Variants in KCNH7 observed in about 807,000 individuals in gnomAD.
KCNH7 encodes the protein voltage-gated inwardly rectifying potassium channel KCNH7.
Under a neutral mutation model 120.8 loss-of-function variants are expected in KCNH7, and 49 were observed. That is an observed-to-expected ratio of 0.41 (90% CI 0.32 to 0.51). The LOEUF (loss-of-function observed/expected upper bound fraction) is 0.51. KCNH7 is among the 20% of genes least tolerant of loss of function. The pLI, the probability that KCNH7 is intolerant of heterozygous loss-of-function variation, is 0.38. For synonymous variants in KCNH7, 547 were observed against 516.1 expected, an observed-to-expected ratio of 1.06 and a Z score of -0.81; for missense variants, 1,097 against 1,446.6, an observed-to-expected ratio of 0.76 and a Z score of 3.92.
chr2:162,757,230 T>TA (rs1688816166), intron 2 of KCNH7, among the ~76,000 whole-genome samples: 1 of 152,138 alleles, frequency 6.6e-6, no homozygotes, highest in Non-Finnish European at 1.5e-5. Context: ...TGGTGCCAGC[T>TA]AAAATTAAAA....
intron 2 of KCNH7, among the ~76,000 whole-genome samples, chr2:162,736,084 T>C (rs1339371183): frequency 2.0e-5 from 3 of 149,850 alleles, no homozygotes; most frequent in African/African-American, 5.1e-5. Context: ...AGTGAATGCT[T>C]TTCCTGTTAA....
chr2:162,564,132 ATTT>A (rs1198620205), intron 2 of KCNH7, among the ~76,000 whole-genome samples: 1 of 152,040 alleles, frequency 6.6e-6, no homozygotes, highest in Non-Finnish European at 1.5e-5. Flanking sequence ...ACATATAATT[ATTT>A]TTTTAAGTCA....
intron 6 of KCNH7, among the ~76,000 whole-genome samples, chr2:162,489,701 T>A (rs1484307020): frequency 6.6e-6 from 1 of 152,242 alleles, no homozygotes; most frequent in East Asian, 1.9e-4. Context: ...TAATGACAAT[T>A]CTTATAGCTT....
chr2:162,427,429 TAG>T (rs1419205932), intron 8 of KCNH7, among the ~76,000 whole-genome samples: 4 of 152,184 alleles, frequency 2.6e-5, no homozygotes, highest in Non-Finnish European at 5.9e-5. Context: ...AATATCTCAT[TAG>T]AGTTTTAATG....
intron 2 of KCNH7, among the ~76,000 whole-genome samples, chr2:162,696,611 A>C (rs541989575): frequency 3.3e-5 from 5 of 152,100 alleles, no homozygotes; most frequent in Non-Finnish European, 5.9e-5. Flanking sequence ...TTGCACTTGA[A>C]CTGTGGCCTT....
chr2:162,479,245 T>G (rs1689847356), intron 6 of KCNH7, among the ~76,000 whole-genome samples: 1 of 151,608 alleles, frequency 6.6e-6, no homozygotes, highest in Admixed American at 6.6e-5. Flanking sequence ...TGAATACAAA[T>G]TATTTATCTT....
intron 6 of KCNH7, among the ~76,000 whole-genome samples, chr2:162,463,252 C>T (rs1351011581): frequency 6.6e-6 from 1 of 151,916 alleles, no homozygotes; most frequent in Non-Finnish European, 1.5e-5. Context: ...AGGCCAATTC[C>T]ACAGAACCAT....
chr2:162,632,576 G>A (rs73028545), intron 2 of KCNH7, among the ~76,000 whole-genome samples: 16,167 of 151,534 alleles, frequency 0.11, 1,601 homozygotes, highest in East Asian at 0.3. Flanking sequence ...AATAAAGAAC[G>A]GTGTCTAAAA....
At chr2:162,439,694 T>A (rs1455141991) in intron 7 of KCNH7, among the ~76,000 whole-genome samples, 1 of 152,108 alleles carries the variant, frequency 6.6e-6, no homozygotes, top group Non-Finnish European at 1.5e-5. Flanking sequence ...GGTGGCTGAT[T>A]AATATCATTC....
chr2:162,390,998 G>A (rs1215322296), intron 12 of KCNH7, among the ~76,000 whole-genome samples: 3 of 151,946 alleles, frequency 2.0e-5, no homozygotes. Context: ...GGCAGGTGTG[G>A]ATCAAAGCCG....
At chr2:162,623,841 T>G (rs1683450709) in intron 2 of KCNH7, among the ~76,000 whole-genome samples, 1 of 152,228 alleles carries the variant, frequency 6.6e-6, no homozygotes, top group South Asian at 2.1e-4. Context: ...TGAGGAGTGT[T>G]TGAGAGGTAG....
chr2:162,521,820 T>A (rs1433052219), intron 3 of KCNH7, among the ~76,000 whole-genome samples: 1 of 151,916 alleles, frequency 6.6e-6, no homozygotes, highest in African/African-American at 2.4e-5. Flanking sequence ...ATTGTTGCTC[T>A]AAAGTGCTAC....
intron 7 of KCNH7, among the ~76,000 whole-genome samples, chr2:162,443,933 C>T (rs923850973): frequency 2.5e-4 from 38 of 152,126 alleles, no homozygotes; most frequent in African/African-American, 8.2e-4. Context: ...TCCCCAAATG[C>T]GACATTTTCA....
At chr2:162,513,254 TTTCCCTCCTTCC>T (rs1318895295) in intron 4 of KCNH7, among the ~76,000 whole-genome samples, 1 of 102,274 alleles carries the variant, frequency 9.8e-6, no homozygotes, top group Non-Finnish European at 1.9e-5. Flanking sequence ...CCCTTCCCTC[TTTCCCTCCTTCC>T]TTCCCTCCTT....
intron 2 of KCNH7, among the ~76,000 whole-genome samples, chr2:162,720,449 C>T (rs554602261): frequency 5.3e-5 from 8 of 151,890 alleles, no homozygotes; most frequent in Admixed American, 3.9e-4. Flanking sequence ...GTGGTAGTGG[C>T]GTGCTCACAG....
At chr2:162,661,527 T>G (rs1309231275) in intron 2 of KCNH7, among the ~76,000 whole-genome samples, 1 of 152,210 alleles carries the variant, frequency 6.6e-6, no homozygotes, top group East Asian at 1.9e-4. Context: ...GAAGATTATT[T>G]ATGAAAGTGT....
At chr2:162,566,869 G>A (rs1225237547) in intron 2 of KCNH7, among the ~76,000 whole-genome samples, 1 of 151,950 alleles carries the variant, frequency 6.6e-6, no homozygotes, top group African/African-American at 2.4e-5. Context: ...ATTCCACCTG[G>A]ATGGGTGATT....
chr2:162,755,921 C>T (rs1051219145), intron 2 of KCNH7, among the ~76,000 whole-genome samples: 18 of 151,988 alleles, frequency 1.2e-4, no homozygotes, highest in Admixed American at 2.0e-4. Context: ...TTTATATCTG[C>T]TTTATTGTGG....
At chr2:162,399,184 C>T (rs982200221) in intron 10 of KCNH7, among the ~76,000 whole-genome samples, 1 of 151,590 alleles carries the variant, frequency 6.6e-6, no homozygotes, top group Non-Finnish European at 1.5e-5. Flanking sequence ...TAAGGATAGG[C>T]GTTATCATAG....
Sources: allele counts gnomAD v4.1 joint callset (sites outside exome capture counted in the v4.1 genomes callset), GRCh38; gene constraint gnomAD v4.1.1; transcripts MANE v1.5; gene names NCBI Gene and HGNC (gene_info 2026-07-23, HGNC 2026-07-21).